The following MIPEP variants were observed in gnomAD, a reference collection of about 807,000 sequenced individuals.
The protein encoded by MIPEP is mitochondrial intermediate peptidase.
A neutral mutation model predicts 90.3 loss-of-function variants in MIPEP; 79 were observed. The ratio of observed to expected loss-of-function variants is 0.87; its 90% CI spans 0.73 to 1.05. The LOEUF is 1.05. MIPEP is among the 50% of genes least tolerant of loss of function. The pLI, the probability that MIPEP is intolerant of heterozygous loss-of-function variation, is 0.00. For synonymous variants in MIPEP, 334 were observed against 315.8 expected (o/e 1.06, Z -0.61); for missense variants, 940 against 905.6 (o/e 1.04, Z -0.49).
chr13:23,846,639 A>G (rs1307657984), intron 10 of MIPEP, among the ~76,000 whole-genome samples: 3 of 152,230 alleles, frequency 2.0e-5, no homozygotes, highest in Non-Finnish European at 4.4e-5. Context: ...AATTTTGTGC[A>G]TGAAACAAAA....
intron 16 of MIPEP, among the ~76,000 whole-genome samples, chr13:23,770,677 C>A (rs1048873127): frequency 6.6e-6 from 1 of 152,192 alleles, no homozygotes; most frequent in Non-Finnish European, 1.5e-5. Flanking sequence ...CAGAGCCACT[C>A]ACCCACCACC....
intron 12 of MIPEP, among the ~76,000 whole-genome samples, chr13:23,839,061 G>A (rs9578647): frequency 0.19 from 29,209 of 152,178 alleles, 3,979 homozygotes; most frequent in African/African-American, 0.38. Context: ...TGCTAAAGCT[G>A]ACTGGCTGTC....
intron 10 of MIPEP, among the ~76,000 whole-genome samples, chr13:23,846,907 A>T (rs1216583392): frequency 6.6e-6 from 1 of 152,196 alleles, no homozygotes; most frequent in Non-Finnish European, 1.5e-5. Context: ...CCCTTTATAC[A>T]TATCTCATTT....
intron 10 of MIPEP, among the ~76,000 whole-genome samples, chr13:23,852,631 A>C (rs1009185857): frequency 6.6e-6 from 1 of 152,248 alleles, no homozygotes; most frequent in Non-Finnish European, 1.5e-5. Context: ...TAACACACAC[A>C]ATTAGGTACA....
intron 10 of MIPEP, among the ~76,000 whole-genome samples, chr13:23,846,838 G>C (rs1315798041): frequency 6.6e-6 from 1 of 152,098 alleles, no homozygotes; most frequent in African/African-American, 2.4e-5. Flanking sequence ...TGATGATGAT[G>C]ATGATGATGA....
intron 16 of MIPEP, among the ~76,000 whole-genome samples, chr13:23,776,786 T>C (rs897715121): frequency 1.3e-5 from 2 of 151,636 alleles, no homozygotes; most frequent in Non-Finnish European, 2.9e-5. Flanking sequence ...ACTAATGGTT[T>C]GTAAAATCTG....
At chr13:23,760,032 G>C (rs879030374) in intron 17 of MIPEP, 64 bp downstream of exon 17, 13 of 1,603,344 alleles carry the variant, frequency 8.1e-6, no homozygotes, top group Non-Finnish European at 1.1e-5. Context: ...CCGACTTCCA[G>C]ATGTAATAGA....
intron 11 of MIPEP, 97 bp from the exon 12 acceptor site, chr13:23,839,823 C>T (rs1869218688): frequency 2.7e-6 from 2 of 730,328 alleles, no homozygotes; most frequent in South Asian, 3.9e-5. Flanking sequence ...CATAGCCACA[C>T]ATATAGACAT....
chr13:23,822,733 T>C (rs1953321837), intron 14 of MIPEP, among the ~76,000 whole-genome samples: 1 of 152,050 alleles, frequency 6.6e-6, no homozygotes, highest in African/African-American at 2.4e-5. Flanking sequence ...AATGAAAGAC[T>C]ATAAAACTGA....
In MIPEP at chr13:23,782,538, T is replaced by G. The variant is rs1047064569; in HGVS notation, c.1849-22321A>C. Among the ~76,000 whole-genome samples, 3 of 151,912 alleles carry G rather than the reference T, an allele frequency of 2.0e-5. 1 individual carries two copies. The highest frequency in any genetic ancestry group is 1.5e-5 in the Non-Finnish European group (1 of 67,946). ...AAAAATGACACCCTAACATCACAAT[T>G]AAAAGAACTAGAGAAGCAAGAGCAA... On this transcript the variant is annotated intron_variant, in intron 16 of 18. Coordinates refer to ENST00000382172, the MANE Select transcript of MIPEP (RefSeq NM_005932.4).
At chr13:23,838,556 T>C (rs769842056) in intron 12 of MIPEP, among the ~76,000 whole-genome samples, 1 of 152,236 alleles carries the variant, frequency 6.6e-6, no homozygotes, top group African/African-American at 2.4e-5. Flanking sequence ...GAGACTCACA[T>C]ACACTGTATC....
Position 23,841,498 on chromosome 13 carries a change from GGAA to G in MIPEP, c.1107-13_1107-11del. 1 of 1,588,474 alleles carries G rather than the reference GGAA, an allele frequency of 6.3e-7. No individual in the cohort carries two copies. Among genetic ancestry groups the G allele is most frequent in the Non-Finnish European group, 8.5e-7 (1 of 1,172,114 alleles). On this transcript the variant is annotated splice_polypyrimidine_tract_variant and intron_variant, in intron 10 of 18. Coordinates refer to ENST00000382172, the MANE Select transcript of MIPEP (RefSeq NM_005932.4). ...GGGCTCAATATTATACCTAAGAGAA[GGAA>G]GAGAGGTTCAACAGCATCTTTGTTT... is the stretch of plus-strand genomic sequence containing the variant.
chr13:23,884,643 C>T (rs1310853564), intron 2 of MIPEP, among the ~76,000 whole-genome samples: 1 of 152,210 alleles, frequency 6.6e-6, no homozygotes, highest in East Asian at 1.9e-4. Context: ...CTCAGCTCAT[C>T]CAGGGAAAGC....
intron 14 of MIPEP, among the ~76,000 whole-genome samples, chr13:23,834,868 CTA>C (rs1171251543): frequency 1.3e-5 from 2 of 152,042 alleles, no homozygotes; most frequent in East Asian, 1.9e-4. Flanking sequence ...GTATGCCTCT[CTA>C]TGTTATTGGC....
At chr13:23,851,167 C>T (rs1405674841) in intron 10 of MIPEP, among the ~76,000 whole-genome samples, 3 of 152,228 alleles carry the variant, frequency 2.0e-5, no homozygotes, top group Non-Finnish European at 4.4e-5. Context: ...ATCACCACCC[C>T]TTTTCTGTCC....
chr13:23,809,857 T>C lies in MIPEP; in HGVS notation c.1721A>G (p.Gln574Arg). The C allele has an allele frequency of 1.2e-6, 2 of 1,611,680 alleles. No individual in the cohort carries two copies. Among genetic ancestry groups the C allele is most frequent in the South Asian group, 1.1e-5 (1 of 90,916 alleles). The change falls in exon 15 of 19, where the codon CAA becomes CGA. Residue 574 changes from glutamine (Q) to arginine (R), a missense_variant. Physicochemically the swap from Gln to Arg is conservative, Grantham distance 43 (BLOSUM62 1). Transcript: ENST00000382172. ...SKKVCAAADM[Q>R]LQVFYATLDQ... Reference sequence around the variant, plus strand: ...ACAAAGGTACATACATACCTGAAGTTGCATATCAGCTGCAGCACAAACCTT... The same window carrying C: ...ACAAAGGTACATACATACCTGAAGTCGCATATCAGCTGCAGCACAAACCTT...
chr13:23,747,403 CCTTT>C (rs1952394456), intron 18 of MIPEP: 1 of 358,262 alleles, frequency 2.8e-6, no homozygotes, highest in East Asian at 7.3e-5. Context: ...TAGCGGACCC[CCTTT>C]CTTCTAGTGG....
intron 10 of MIPEP, among the ~76,000 whole-genome samples, chr13:23,847,464 T>TA (rs60152921): frequency 0.11 from 14,951 of 137,592 alleles, 942 homozygotes; most frequent in South Asian, 0.22. Context: ...AAATCCAAGC[T>TA]AAAAAAAAAA....
chr13:23,761,755 CT>C (rs1432007664), intron 16 of MIPEP, among the ~76,000 whole-genome samples: 1 of 152,202 alleles, frequency 6.6e-6, no homozygotes, highest in African/African-American at 2.4e-5. Context: ...AACATTTTTA[CT>C]TTTCTGAAAC....
Sources: allele counts gnomAD v4.1 joint callset (sites outside exome capture counted in the v4.1 genomes callset), GRCh38; gene constraint gnomAD v4.1.1; transcripts MANE v1.5; gene names NCBI Gene and HGNC (gene_info 2026-07-23, HGNC 2026-07-21).